Variants in LYST observed in about 807,000 individuals in gnomAD.
LYST encodes lysosomal trafficking regulator, also known as lysosomal-trafficking regulator.
LYST carries 192 observed loss-of-function variants against 413.6 expected under a neutral mutation model. The observed-to-expected ratio is 0.46, with a 90% CI of 0.41 to 0.52. The LOEUF is 0.52. Ranked by LOEUF, LYST falls within the 20% of genes least tolerant of loss-of-function variation. The pLI is 0.00. For missense variants in LYST, 3,815 were observed against 4,499.9 expected, an observed-to-expected ratio of 0.85 and a Z score of 4.35; for synonymous variants, 1,525 against 1,567.3, an observed-to-expected ratio of 0.97 and a Z score of 0.64.
intron 1 of LYST, among the ~76,000 whole-genome samples, chr1:235,845,028 G>C (rs896842468): frequency 6.6e-6 from 1 of 152,092 alleles, no homozygotes; most frequent in Non-Finnish European, 1.5e-5. Context: ...AGCAGCATGT[G>C]GTGGCTTGCA....
At chr1:235,864,087 A>AG (rs988268533) in intron 1 of LYST, among the ~76,000 whole-genome samples, 3 of 151,894 alleles carry the variant, frequency 2.0e-5, no homozygotes, top group Non-Finnish European at 4.4e-5. Context: ...CTTATCCCTG[A>AG]TGTTTCCTTT....
At chr1:235,705,745 TA>T (rs541706995) in intron 44 of LYST, among the ~76,000 whole-genome samples, 40 of 151,834 alleles carry the variant, frequency 2.6e-4, no homozygotes, top group Admixed American at 3.3e-4. Flanking sequence ...TTCAGGATTA[TA>T]AACAAAAAGG....
At chr1:235,822,144 G>GA in intron 3 of LYST, among the ~76,000 whole-genome samples, 1 of 152,262 alleles carries the variant, frequency 6.6e-6, no homozygotes, top group South Asian at 2.1e-4. Flanking sequence ...AATGAAAAAA[G>GA]GCCTCTGGGC....
Position 235,775,088 on chromosome 1 carries a change from TA to T in LYST, c.5461-3del, listed in dbSNP as rs557545474. 27,992 of 1,036,872 alleles carry T rather than the reference TA, an allele frequency of 0.027. No homozygotes were observed. Among genetic ancestry groups the T allele is most frequent in the South Asian group, 0.032 (1,661 of 52,072 alleles). The allele number at this position is 1,036,872 out of a possible 1,614,324, so 64.2% of individuals were successfully genotyped here. On this transcript the variant is annotated splice_region_variant and splice_polypyrimidine_tract_variant and intron_variant, in intron 17 of 52. Transcript: ENST00000389793. ...TTCACAGCTACTGAGTTCAACAACC[TA>T]AAAAAAAAAATGGGTGGATATAGTT...
intron 22 of LYST, among the ~76,000 whole-genome samples, chr1:235,761,602 T>C (rs1667587614): frequency 6.6e-6 from 1 of 152,032 alleles, no homozygotes; most frequent in African/African-American, 2.4e-5. Flanking sequence ...ATGACAATGG[T>C]TAGACTGAGG....
At position 235,664,385 on chromosome 1, in the gene LYST, C is replaced by T. The variant is rs1658263343; in HGVS notation, c.11195+80G>A. ...CTCTAAATACTGAATATTAATATGCCTAGATATTAAAAATTAATTTCTGAA... is the reference window on the plus strand; with the variant it reads ...CTCTAAATACTGAATATTAATATGCTTAGATATTAAAAATTAATTTCTGAA... On this transcript the variant is annotated intron_variant, in intron 51 of 52. Coordinates refer to ENST00000389793, the MANE Select transcript of LYST (RefSeq NM_000081.4). The surrounding 1 kb of genome is among the most constrained non-coding windows in gnomAD (Gnocchi z 4.5). 1 of 1,293,342 alleles carries T rather than the reference C, an allele frequency of 7.7e-7. No homozygotes were observed. The highest frequency in any genetic ancestry group is 1.1e-6 in the Non-Finnish European group (1 of 897,044). 80.1% of individuals were successfully genotyped at this position (1,293,342 alleles called of 1,614,324 possible).
chr1:235,695,644 T>TA (rs1214184124), intron 46 of LYST, among the ~76,000 whole-genome samples: 2 of 149,058 alleles, frequency 1.3e-5, no homozygotes, highest in Admixed American at 1.3e-4. Flanking sequence ...TTTTTTTTTT[T>TA]TTTTTTGAGA....
intron 48 of LYST, among the ~76,000 whole-genome samples, chr1:235,678,221 G>A (rs951133350): frequency 3.3e-5 from 5 of 152,088 alleles, no homozygotes; most frequent in African/African-American, 1.2e-4. Context: ...TTGGGAGGCC[G>A]AGGCAGGCAG....
intron 39 of LYST, among the ~76,000 whole-genome samples, chr1:235,721,166 A>C (rs1332629681): frequency 1.3e-5 from 2 of 152,212 alleles, no homozygotes; most frequent in Non-Finnish European, 1.5e-5. Flanking sequence ...TGTATAGAAA[A>C]GTCACTTAAG....
At chr1:235,858,067 T>C (rs369670504) in intron 1 of LYST, among the ~76,000 whole-genome samples, 27 of 152,300 alleles carry the variant, frequency 1.8e-4, no homozygotes, top group African/African-American at 6.3e-4. Context: ...CTATATATTC[T>C]GGGGACTTCA....
chr1:235,737,915 G>GATAATAGC, intron 31 of LYST: 8 of 1,160,568 alleles, frequency 6.9e-6, no homozygotes, highest in East Asian at 8.4e-5. Context: ...CGCTGCCGAC[G>GATAATAGC]AGTCTGGATC....
At chr1:235,753,349 C>T in intron 25 of LYST, 75 bp from the exon 26 acceptor site, 1 of 901,390 alleles carries the variant, frequency 1.1e-6, no homozygotes, top group Non-Finnish European at 1.8e-6. Flanking sequence ...AACTATGGGT[C>T]ATCTTGCTAA....
chr1:235,804,405 A>G, intron 7 of LYST, 99 bp downstream of exon 7: 1 of 920,578 alleles, frequency 1.1e-6, no homozygotes, highest in South Asian at 1.3e-5. Flanking sequence ...GTCCTAGTCC[A>G]TATGCTCTAA....
chr1:235,778,013 C>T (rs1393015383), intron 16 of LYST, among the ~76,000 whole-genome samples: 4 of 150,774 alleles, frequency 2.7e-5, no homozygotes, highest in Admixed American at 2.0e-4. Context: ...GCCTTGAACT[C>T]CTAGGCTCAA....
chr1:235,754,648 G>A (rs368682879), intron 25 of LYST, among the ~76,000 whole-genome samples: 2 of 152,176 alleles, frequency 1.3e-5, no homozygotes, highest in East Asian at 3.8e-4. Context: ...TATAAAGGAT[G>A]AAGTTATATT....
At chr1:235,733,938 A>C in intron 32 of LYST, 32 bp from the exon 33 acceptor site, 1 of 1,067,928 alleles carries the variant, frequency 9.4e-7, no homozygotes, top group Non-Finnish European at 1.4e-6. Flanking sequence ...ATACTATATA[A>C]AATTTATTAT....
chr1:235,685,058 AC>A lies in LYST; in HGVS notation c.10800+1890del, dbSNP rs200807258. 5.3e-3 allele frequency among the ~76,000 whole-genome samples: 807 copies of A among 152,036 alleles called. 15 individuals carry two copies. The highest frequency in any genetic ancestry group is 0.017 in the African/African-American group (708 of 41,454). On this transcript the variant is annotated intron_variant, in intron 48 of 52. Transcript: ENST00000389793. ...TAAACTACACAGGAAAGTATTTGCC[AC>A]CCCCCAAAATCCCCATGCCTTTGAT...
upstream of LYST, among the ~76,000 whole-genome samples, chr1:235,867,083 G>A (rs1680643923): frequency 6.6e-6 from 1 of 152,178 alleles, no homozygotes; most frequent in Non-Finnish European, 1.5e-5. Flanking sequence ...CGCCGGCGTC[G>A]CAGGCGTGAC....
At chr1:235,682,871 C>T (rs973615602) in intron 48 of LYST, among the ~76,000 whole-genome samples, 3 of 152,106 alleles carry the variant, frequency 2.0e-5, no homozygotes, top group African/African-American at 7.2e-5. Flanking sequence ...TCACTGAGTA[C>T]AGATTAGTGA....
Sources: gnomAD v4.1 joint callset for allele counts (sites outside exome capture counted in the v4.1 genomes callset) on GRCh38, gnomAD v4.1.1 for gene constraint, Gnocchi (gnomAD v3.1) non-coding constraint, MANE v1.5 for transcripts, NCBI Gene and HGNC (gene_info 2026-07-23, HGNC 2026-07-21) for gene names.